The following TMTC1 variants were observed in gnomAD, a reference collection of about 807,000 sequenced individuals.
The protein encoded by TMTC1 is protein O-mannosyl-transferase TMTC1.
Under a neutral mutation model 104.8 loss-of-function variants are expected in TMTC1, and 73 were observed. The ratio of observed to expected loss-of-function variants is 0.70; its 90% CI spans 0.58 to 0.85. TMTC1 has a LOEUF of 0.85. TMTC1 is among the 40% of genes least tolerant of loss of function. The pLI, the probability that TMTC1 is intolerant of heterozygous loss-of-function variation, is 0.00. For synonymous variants in TMTC1, 434 were observed against 428.7 expected, an observed-to-expected ratio of 1.01 and a Z score of -0.15; for missense variants, 1,035 against 1,096.1, an observed-to-expected ratio of 0.94 and a Z score of 0.79.
intron 6 of TMTC1, among the ~76,000 whole-genome samples, chr12:29,630,860 T>C (rs1257968600): frequency 6.6e-6 from 1 of 152,188 alleles, no homozygotes; most frequent in South Asian, 2.1e-4. Flanking sequence ...GTCTGAATCA[T>C]TTTTTATTCC....
rs116035769 is a variant in TMTC1 at position 29,677,373 on chromosome 12, A to G, written c.939-44037T>C. Among the ~76,000 whole-genome samples, 410 of 152,332 alleles carry G rather than the reference A, an allele frequency of 2.7e-3. 2 individuals are homozygous for G. Among genetic ancestry groups the G allele is most frequent in the African/African-American group, 9.5e-3 (395 of 41,580 alleles). Reference sequence around the variant, plus strand: ...AAGCACATCCTGCAGTTATTTCCATACATAAAATATGTGCCATAAAATATG... The same window carrying G: ...AAGCACATCCTGCAGTTATTTCCATGCATAAAATATGTGCCATAAAATATG... On this transcript the variant is annotated intron_variant, in intron 5 of 17. Coordinates refer to ENST00000539277, the MANE Select transcript of TMTC1 (RefSeq NM_001193451.2).
intron 1 of TMTC1, among the ~76,000 whole-genome samples, chr12:29,770,621 G>A (rs1454596603): frequency 6.6e-6 from 1 of 152,132 alleles, no homozygotes. Flanking sequence ...ATTGCTGAAT[G>A]AGGAGTCCCC....
At chr12:29,565,033 A>G (rs1450237770) in intron 9 of TMTC1, among the ~76,000 whole-genome samples, 1 of 152,184 alleles carries the variant, frequency 6.6e-6, no homozygotes, top group Non-Finnish European at 1.5e-5. Flanking sequence ...CAGAAGCAAC[A>G]GGATGTGTAT....
intron 10 of TMTC1, among the ~76,000 whole-genome samples, chr12:29,540,278 A>G (rs1368509224): frequency 6.6e-6 from 1 of 152,116 alleles, no homozygotes; most frequent in African/African-American, 2.4e-5. Flanking sequence ...CTAAACATTT[A>G]CTCTCTGCCA....
intron 5 of TMTC1, among the ~76,000 whole-genome samples, chr12:29,654,871 T>C (rs1939682679): frequency 6.6e-6 from 1 of 152,092 alleles, no homozygotes; most frequent in Non-Finnish European, 1.5e-5. Context: ...CCACCTATTA[T>C]ATGATTCTGT....
chr12:29,666,139 C>A, intron 5 of TMTC1: 1 of 428,490 alleles, frequency 2.3e-6, no homozygotes, highest in Non-Finnish European at 4.6e-6. Context: ...ATTTTTAACA[C>A]ATATAGCAAG....
rs557633878 is a variant in TMTC1 at position 29,672,526 on chromosome 12, G to A, written c.939-39190C>T. The stretch of plus-strand genomic sequence containing the variant: ...TATACTGGAACATAGGCTGGGGTTT[G>A]TGCTCCAGATCCAGGCAGCTTCAAT... On this transcript the variant is annotated intron_variant, in intron 5 of 17. Coordinates refer to ENST00000539277, the MANE Select transcript of TMTC1 (RefSeq NM_001193451.2). Among the ~76,000 whole-genome samples the A allele has an allele frequency of 3.9e-5, 6 of 152,270 alleles. No homozygotes were observed. The East Asian group carries it at 1.2e-3, about 29-fold the overall frequency.
chr12:29,529,858 T>A (rs927105904), intron 11 of TMTC1: 6 of 152,160 alleles, frequency 3.9e-5, no homozygotes, highest in Non-Finnish European at 2.9e-5. Context: ...GATTTTCTCA[T>A]CTACCAGCAG....
intron 11 of TMTC1, chr12:29,529,913 A>G (rs749886727): frequency 2.0e-5 from 3 of 152,192 alleles, no homozygotes; most frequent in Non-Finnish European, 2.9e-5. Context: ...ACAAGAAGTG[A>G]CCACTTTAAA....
At chr12:29,700,012 T>C (rs921748153) in intron 5 of TMTC1, among the ~76,000 whole-genome samples, 4 of 152,000 alleles carry the variant, frequency 2.6e-5, no homozygotes, top group Non-Finnish European at 5.9e-5. Context: ...CCCTTTAATA[T>C]CAGACAGTAT....
intron 5 of TMTC1, among the ~76,000 whole-genome samples, chr12:29,705,070 C>T (rs1283133966): frequency 2.0e-5 from 3 of 152,052 alleles, no homozygotes; most frequent in African/African-American, 2.4e-5. Flanking sequence ...GAGTCCTCAC[C>T]CCAGAAGAAT....
At chr12:29,570,939 C>T (rs1945659561) in intron 9 of TMTC1, among the ~76,000 whole-genome samples, 1 of 145,484 alleles carries the variant, frequency 6.9e-6, no homozygotes, top group South Asian at 2.2e-4. Context: ...GCCATATTTG[C>T]CATATTAAAT....
chr12:29,558,260 A>G (rs1353161769), intron 9 of TMTC1, among the ~76,000 whole-genome samples: 1 of 152,198 alleles, frequency 6.6e-6, no homozygotes, highest in Admixed American at 6.5e-5. Flanking sequence ...TTAATGTAGA[A>G]ATGCCAAGAT....
chr12:29,763,068 T>A (rs1943388517), intron 2 of TMTC1, among the ~76,000 whole-genome samples: 1 of 152,090 alleles, frequency 6.6e-6, no homozygotes, highest in African/African-American at 2.4e-5. Flanking sequence ...TGTTACTGGG[T>A]GTAGCAAGTT....
intron 2 of TMTC1, among the ~76,000 whole-genome samples, chr12:29,762,343 T>G (rs1485305741): frequency 6.6e-6 from 1 of 152,240 alleles, no homozygotes; most frequent in African/African-American, 2.4e-5. Context: ...AAGGGCCTGC[T>G]GGATAAATGC....
At chr12:29,550,296 C>T (rs1945059595) in intron 10 of TMTC1, among the ~76,000 whole-genome samples, 1 of 152,066 alleles carries the variant, frequency 6.6e-6, no homozygotes, top group Admixed American at 6.6e-5. Flanking sequence ...TACTGAAATA[C>T]ATCAGATAAA....
At chr12:29,543,434 A>C (rs1247174561) in intron 10 of TMTC1, among the ~76,000 whole-genome samples, 2 of 152,182 alleles carry the variant, frequency 1.3e-5, no homozygotes, top group Non-Finnish European at 2.9e-5. Flanking sequence ...ATTTGGGGAG[A>C]ACGTAGGAAA....
rs75972145 is a variant in TMTC1, at chr12:29,673,604, T to C, written c.939-40268A>G. Among the ~76,000 whole-genome samples the C allele has an allele frequency of 3.2e-3, 489 of 151,830 alleles. 1 individual carries two copies. The highest frequency in any genetic ancestry group is 0.011 in the African/African-American group (474 of 41,534). Reference sequence around the variant, plus strand: ...CTCTGTCCAATTATTCATATATGTATATTTACATATTTAATTATATTTATT... The same window carrying C: ...CTCTGTCCAATTATTCATATATGTACATTTACATATTTAATTATATTTATT... On this transcript the variant is annotated intron_variant, in intron 5 of 17. Coordinates refer to ENST00000539277, the MANE Select transcript of TMTC1 (RefSeq NM_001193451.2).
intron 5 of TMTC1, among the ~76,000 whole-genome samples, chr12:29,695,999 T>C (rs1373026294): frequency 6.6e-6 from 1 of 152,002 alleles, no homozygotes; most frequent in Admixed American, 6.6e-5. Context: ...AATTTTTCTC[T>C]TGATGGATGG....
Sources: gnomAD v4.1 joint callset for allele counts (sites outside exome capture counted in the v4.1 genomes callset) on GRCh38, gnomAD v4.1.1 for gene constraint, MANE v1.5 for transcripts, NCBI Gene and HGNC (gene_info 2026-07-23, HGNC 2026-07-21) for gene names.